Variants in PTPRT observed in about 807,000 individuals in gnomAD.
The protein encoded by PTPRT is receptor-type tyrosine-protein phosphatase T.
A neutral mutation model predicts 176.8 loss-of-function variants in PTPRT; 56 were observed. The ratio of observed to expected loss-of-function variants is 0.32; its 90% CI spans 0.26 to 0.40. The LOEUF (loss-of-function observed/expected upper bound fraction) is 0.40. PTPRT is among the 10% of genes least tolerant of loss of function. The pLI is 1.00. For missense variants in PTPRT, 1,540 were observed against 1,908.2 expected, an observed-to-expected ratio of 0.81 and a Z score of 3.60; for synonymous variants, 783 against 739.0, an observed-to-expected ratio of 1.06 and a Z score of -0.96.
At chr20:42,565,210 C>G (rs1333886770) in intron 7 of PTPRT, among the ~76,000 whole-genome samples, 1 of 152,138 alleles carries the variant, frequency 6.6e-6, no homozygotes, top group East Asian at 1.9e-4. Flanking sequence ...GCCCACCCAC[C>G]TGGAACTTTC....
chr20:42,056,901 G>T, the PTPRT span, among the ~76,000 whole-genome samples: 48 of 152,208 alleles, frequency 3.2e-4, no homozygotes, highest in Admixed American at 1.2e-3. Context: ...ACTTCCAAAT[G>T]GACCCTCCCC....
intron 1 of PTPRT, among the ~76,000 whole-genome samples, chr20:42,951,936 G>C (rs926480990): frequency 6.6e-6 from 1 of 152,088 alleles, no homozygotes; most frequent in African/African-American, 2.4e-5. Flanking sequence ...TCAGACATAG[G>C]GCCTGGCCAA....
At chr20:42,312,296 G>C (rs567382115) in intron 12 of PTPRT, among the ~76,000 whole-genome samples, 2 of 152,160 alleles carry the variant, frequency 1.3e-5, no homozygotes, top group East Asian at 3.9e-4. Context: ...ATTTGCACAC[G>C]AACAACAACT....
chr20:42,096,927 C>G (rs373905465), intron 27 of PTPRT, among the ~76,000 whole-genome samples: 13 of 152,030 alleles, frequency 8.6e-5, no homozygotes, highest in African/African-American at 3.1e-4. Context: ...CCACTGTCAA[C>G]CCTCCAGTGT....
chr20:43,080,444 C>A (rs930514450), intron 1 of PTPRT, among the ~76,000 whole-genome samples: 1 of 152,300 alleles, frequency 6.6e-6, no homozygotes, highest in African/African-American at 2.4e-5. Context: ...GATATACAAC[C>A]TATTTTTATT....
At chr20:42,276,860 C>T (rs2057048983) in intron 13 of PTPRT, among the ~76,000 whole-genome samples, 1 of 151,894 alleles carries the variant, frequency 6.6e-6, no homozygotes, top group African/African-American at 2.4e-5. Context: ...ATGGACACAT[C>T]ACTCCTCCTC....
intron 7 of PTPRT, among the ~76,000 whole-genome samples, chr20:42,506,894 T>G (rs1027369889): frequency 1.3e-5 from 2 of 152,096 alleles, no homozygotes; most frequent in African/African-American, 2.4e-5. Flanking sequence ...CCTGTCCTTG[T>G]TTTTCATATG....
chr20:42,087,024 C>T (rs1351200729), intron 27 of PTPRT, among the ~76,000 whole-genome samples: 4 of 151,256 alleles, frequency 2.6e-5, no homozygotes, highest in African/African-American at 9.7e-5. Context: ...CAGTCTGAGA[C>T]TGTTTTGTTT....
chr20:42,438,270 G>A (rs914312978), intron 9 of PTPRT, among the ~76,000 whole-genome samples: 1 of 152,150 alleles, frequency 6.6e-6, no homozygotes, highest in Admixed American at 6.5e-5. Context: ...CAATTTAACC[G>A]GGAGACTTTT....
intron 7 of PTPRT, among the ~76,000 whole-genome samples, chr20:42,568,719 C>A (rs1461871780): frequency 6.6e-6 from 1 of 151,984 alleles, no homozygotes; most frequent in African/African-American, 2.4e-5. Flanking sequence ...GCTGCTAAAC[C>A]CAGGATGCTT....
chr20:42,913,166 T>C (rs1425214475), intron 1 of PTPRT, among the ~76,000 whole-genome samples: 1 of 152,198 alleles, frequency 6.6e-6, no homozygotes, highest in Non-Finnish European at 1.5e-5. Context: ...ACTGAATAAA[T>C]GTTATGCTAT....
intron 9 of PTPRT, among the ~76,000 whole-genome samples, chr20:42,411,114 T>C (rs980356895): frequency 3.3e-5 from 5 of 151,996 alleles, no homozygotes; most frequent in African/African-American, 1.2e-4. Flanking sequence ...TATAGAAAAC[T>C]AATGAAAACA....
At chr20:42,286,504 T>G (rs935981750) in intron 12 of PTPRT, among the ~76,000 whole-genome samples, 4 of 151,844 alleles carry the variant, frequency 2.6e-5, no homozygotes, top group African/African-American at 9.7e-5. Context: ...CTTCAATAAG[T>G]GGTGCTAAGA....
intron 9 of PTPRT, among the ~76,000 whole-genome samples, chr20:42,366,246 T>C (rs2145582484): frequency 6.6e-6 from 1 of 152,342 alleles, no homozygotes; most frequent in East Asian, 1.9e-4. Flanking sequence ...CAAGCCTCTC[T>C]TCCCTCCCCT....
At chr20:42,194,250 AGGCAT>A (rs1991111911) in intron 16 of PTPRT, among the ~76,000 whole-genome samples, 1 of 152,236 alleles carries the variant, frequency 6.6e-6, no homozygotes, top group Non-Finnish European at 1.5e-5. Context: ...GCACAGGGGT[AGGCAT>A]GTACTGAGAA....
At chr20:43,048,605 G>A (rs1031582818) in intron 1 of PTPRT, among the ~76,000 whole-genome samples, 2 of 152,154 alleles carry the variant, frequency 1.3e-5, no homozygotes, top group African/African-American at 4.8e-5. Context: ...TTTGAGAGAG[G>A]CTAAGGGGAG....
chr20:42,430,491 T>TCAGCTTGAGAGGCC (rs2059206272), intron 9 of PTPRT, among the ~76,000 whole-genome samples: 1 of 152,176 alleles, frequency 6.6e-6, no homozygotes, highest in African/African-American at 2.4e-5. Context: ...ACAGAGAGGT[T>TCAGCTTGAGAGGCC]CAGCTTGAGA....
In PTPRT at chr20:43,186,579, C is replaced by T. The variant is rs148424191; in HGVS notation, c.88+3067G>A. ...CATGGAATACCATCTCAGCTGGCAG[C>T]CTGACACCTTCAAGAGCTGTGCTGA... On this transcript the variant is annotated intron_variant, in intron 1 of 30. Transcript: ENST00000373187. Among the ~76,000 whole-genome samples, 117 of 152,294 alleles carry T rather than the reference C, an allele frequency of 7.7e-4. No individual in the cohort carries two copies. In the East Asian group the frequency reaches 0.018, roughly 24 times the overall value.
chr20:42,237,268 G>A (rs940417564), intron 14 of PTPRT, among the ~76,000 whole-genome samples: 1 of 152,326 alleles, frequency 6.6e-6, no homozygotes, highest in Admixed American at 6.5e-5. Context: ...CATGGCAGTA[G>A]ATGACCGGCG....
Sources: gnomAD v4.1 joint callset for allele counts (sites outside exome capture counted in the v4.1 genomes callset) on GRCh38, gnomAD v4.1.1 for gene constraint, MANE v1.5 for transcripts, NCBI Gene and HGNC (gene_info 2026-07-23, HGNC 2026-07-21) for gene names.